SORL1: variants seen among roughly 807,000 people sequenced by gnomAD.
The protein encoded by SORL1 is sortilin related receptor 1, also known as sortilin-related receptor.
Under a neutral mutation model 273.7 loss-of-function variants are expected in SORL1, and 127 were observed. That is an observed-to-expected ratio of 0.46 (90% confidence interval 0.40 to 0.54). The LOEUF (loss-of-function observed/expected upper bound fraction) is 0.54. SORL1 is among the 20% of genes least tolerant of loss of function. The pLI, the probability that SORL1 is intolerant of heterozygous loss-of-function variation, is 0.00. For missense variants in SORL1, 2,494 were observed against 2,846.1 expected (o/e 0.88, Z 2.81); for synonymous variants, 1,031 against 1,067.4 (o/e 0.97, Z 0.66).
chr11:121,520,806 A>G lies in SORL1; in HGVS notation c.1361A>G (p.Gln454Arg). ...FDKGGTWEFL[Q>R]APAFTGYGEK... ...AAAGGGGGAACCTGGGAGTTTCTTC[A>G]GGCTCCAGCCTTCACGGGATATGGA... Residue 454 changes from glutamine (Q) to arginine (R), a missense_variant, in exon 9 of 48, where the codon CAG becomes CGG. By Grantham distance (43) the Gln-to-Arg change is conservative (BLOSUM62 1). Around this residue, in one of 3 missense-constraint regions of SORL1, gnomAD observed 710 missense variants for 882.5 expected, o/e 0.80. Transcript: ENST00000260197. 1.9e-6 allele frequency: 3 copies of G among 1,611,530 alleles called. No individual in the cohort carries two copies. The highest frequency in any genetic ancestry group is 1.7e-6 in the Non-Finnish European group (2 of 1,179,046).
In SORL1 at chr11:121,507,070, T is replaced by A. The variant is rs572178321; in HGVS notation, c.940-5933T>A. Among the ~76,000 whole-genome samples the A allele has an allele frequency of 6.6e-5, 10 of 152,338 alleles. No individual in the cohort carries two copies. The East Asian group carries it at 1.9e-3, about 29-fold the overall frequency. ...AATGTAACTTCAGTAGTGTACAAAATCTTTGTCATTATATAGCTTTATTGT... is the reference window on the plus strand; with the variant it reads ...AATGTAACTTCAGTAGTGTACAAAAACTTTGTCATTATATAGCTTTATTGT... On this transcript the variant is annotated intron_variant, in intron 6 of 47. Transcript: ENST00000260197.
At chr11:121,525,381 A>C (rs938005302) in intron 11 of SORL1, among the ~76,000 whole-genome samples, 2 of 152,186 alleles carry the variant, frequency 1.3e-5, no homozygotes, top group African/African-American at 4.8e-5. Context: ...TAAACATTCC[A>C]GTTTTGCTGA....
intron 3 of SORL1, among the ~76,000 whole-genome samples, chr11:121,483,657 T>C (rs1177702039): frequency 6.6e-6 from 1 of 152,202 alleles, no homozygotes; most frequent in Non-Finnish European, 1.5e-5. Context: ...AAGCACCTTG[T>C]AGGTCAGCTC....
chr11:121,539,233 T>G (rs963061426), intron 12 of SORL1, among the ~76,000 whole-genome samples: 1 of 152,228 alleles, frequency 6.6e-6, no homozygotes, highest in Non-Finnish European at 1.5e-5. Flanking sequence ...CATTGTCCTG[T>G]TTTTCAAATC....
At chr11:121,521,068 A>C (rs1450517553) in intron 9 of SORL1, among the ~76,000 whole-genome samples, 1 of 151,084 alleles carries the variant, frequency 6.6e-6, no homozygotes, top group Non-Finnish European at 1.5e-5. Context: ...AACTCAGAAA[A>C]AAAAAAAAAA....
intron 10 of SORL1, 55 bp downstream of exon 10, chr11:121,522,758 C>A: frequency 1.4e-6 from 2 of 1,464,514 alleles, no homozygotes; most frequent in Non-Finnish European, 1.9e-6. Context: ...GATGTGCAGG[C>A]CAAATGCAGA....
At chr11:121,583,164 G>T (rs549779483) in intron 25 of SORL1, among the ~76,000 whole-genome samples, 1 of 152,294 alleles carries the variant, frequency 6.6e-6, no homozygotes, top group African/African-American at 2.4e-5. Context: ...TGTGAAAGGG[G>T]AATAATCCTT....
chr11:121,471,415 C>T (rs997525792), intron 2 of SORL1, among the ~76,000 whole-genome samples: 6 of 152,218 alleles, frequency 3.9e-5, no homozygotes, highest in South Asian at 4.1e-4. Flanking sequence ...GGCCAAAGCT[C>T]GCCCAACGGC....
At chr11:121,466,197 G>A (rs1283162062) in intron 1 of SORL1, among the ~76,000 whole-genome samples, 3 of 152,164 alleles carry the variant, frequency 2.0e-5, no homozygotes, top group Admixed American at 2.0e-4. Flanking sequence ...AGGGGAGAGG[G>A]AAGGTTGTTC....
At chr11:121,626,981 G>A (rs1296606260) in intron 46 of SORL1, 1 of 153,656 alleles carries the variant, frequency 6.5e-6, no homozygotes, top group East Asian at 1.9e-4. Flanking sequence ...TTTAAAAAAT[G>A]TTAAATGTAT....
At chr11:121,580,423 T>G (rs533902185) in intron 25 of SORL1, among the ~76,000 whole-genome samples, 42 of 152,326 alleles carry the variant, frequency 2.8e-4, no homozygotes, top group African/African-American at 1.0e-3. Flanking sequence ...GTTTCACATA[T>G]ACATGGAGCT....
intron 1 of SORL1, among the ~76,000 whole-genome samples, chr11:121,455,097 G>A (rs1860881740): frequency 1.3e-5 from 2 of 152,136 alleles, no homozygotes; most frequent in Admixed American, 1.3e-4. Context: ...GTGGTTCTAT[G>A]GAGGTGCAGT....
At chr11:121,498,565 G>A (rs879904011) in intron 6 of SORL1, among the ~76,000 whole-genome samples, 25 of 152,114 alleles carry the variant, frequency 1.6e-4, no homozygotes, top group South Asian at 6.2e-4. Flanking sequence ...TAGGTGTCAC[G>A]GTCGAGAGTT....
intron 6 of SORL1, among the ~76,000 whole-genome samples, chr11:121,497,334 C>T (rs779498883): frequency 1.3e-5 from 2 of 152,148 alleles, no homozygotes; most frequent in Admixed American, 6.5e-5. Context: ...TTGACAAAGA[C>T]GTATTTCTTT....
Position 121,554,584 on chromosome 11 carries a change from ACC to A in SORL1, c.2439+477_2439+478del, listed in dbSNP as rs997145465. On this transcript the variant is annotated intron_variant, in intron 17 of 47. Coordinates refer to ENST00000260197, the MANE Select transcript of SORL1 (RefSeq NM_003105.6). This position sits in a 1 kb window ranked among gnomAD's most constrained non-coding sequence, Gnocchi z 4.6. ...GCCAGGTGGATAGCCATACGCTCAC[ACC>A]CATGCATTTAAAGGAGAGCTCTTTG... 4.6e-5 allele frequency among the ~76,000 whole-genome samples: 7 copies of A among 152,218 alleles called. No homozygotes were observed. The highest frequency in any genetic ancestry group is 1.7e-4 in the African/African-American group (7 of 41,454).
At chr11:121,492,317 C>T (rs1861565167) in intron 5 of SORL1, among the ~76,000 whole-genome samples, 1 of 152,030 alleles carries the variant, frequency 6.6e-6, no homozygotes, top group Non-Finnish European at 1.5e-5. Context: ...GCTGAGATTG[C>T]GTCACTGCAC....
intron 6 of SORL1, among the ~76,000 whole-genome samples, chr11:121,506,679 T>A (rs550218451): frequency 6.6e-6 from 1 of 152,342 alleles, no homozygotes; most frequent in African/African-American, 2.4e-5. Flanking sequence ...ATCCTTGTAG[T>A]TTCAATCTAT....
chr11:121,468,191 G>A (rs1272209121), intron 1 of SORL1, among the ~76,000 whole-genome samples: 2 of 152,128 alleles, frequency 1.3e-5, no homozygotes, highest in Non-Finnish European at 2.9e-5. Context: ...AAGACAGCTC[G>A]GAGGGCAGGT....
chr11:121,607,140 G>A (rs1193933236), intron 36 of SORL1, 46 bp from the exon 37 acceptor site: 2 of 1,259,990 alleles, frequency 1.6e-6, no homozygotes, highest in East Asian at 2.3e-5. Context: ...AGGATGCCCT[G>A]GACCTTTGGT....
Sources: gnomAD v4.1 joint callset for allele counts (sites outside exome capture counted in the v4.1 genomes callset) on GRCh38, gnomAD v4.1.1 for gene constraint, gnomAD v4.1.1 regional missense constraint, Gnocchi (gnomAD v3.1) non-coding constraint, MANE v1.5 for transcripts, NCBI Gene and HGNC (gene_info 2026-07-23, HGNC 2026-07-21) for gene names.